The following TMEM225B variants were observed in gnomAD, a reference collection of about 807,000 sequenced individuals.
The protein encoded by TMEM225B is transmembrane protein 225-like.
A neutral mutation model predicts 16.9 loss-of-function variants in TMEM225B; 10 were observed. That is an observed-to-expected ratio of 0.59 (90% confidence interval 0.36 to 1.00). The LOEUF (loss-of-function observed/expected upper bound fraction) is 1.00. TMEM225B is among the 50% of genes least tolerant of loss of function. The pLI, the probability that TMEM225B is intolerant of heterozygous loss-of-function variation, is 0.01. For missense variants in TMEM225B, 217 were observed against 267.0 expected, an observed-to-expected ratio of 0.81 and a Z score of 1.30; for synonymous variants, 92 against 109.8, an observed-to-expected ratio of 0.84 and a Z score of 1.01.
chr7:99,609,138 G>T (rs1198884943), intron 5 of TMEM225B, among the ~76,000 whole-genome samples: 1 of 151,958 alleles, frequency 6.6e-6, no homozygotes, highest in Non-Finnish European at 1.5e-5. Flanking sequence ...CTGCACTCCA[G>T]CCTGGGCAAC....
At chr7:99,603,270 A>G (rs892213007) in intron 2 of TMEM225B, among the ~76,000 whole-genome samples, 1 of 152,200 alleles carries the variant, frequency 6.6e-6, no homozygotes, top group African/African-American at 2.4e-5. Context: ...TCACTGAATA[A>G]GGGCACCTAA....
In TMEM225B at chr7:99,610,436, C is replaced by G; in HGVS notation, c.537C>G (p.His179Gln). 4 of 1,536,086 alleles carry G rather than the reference C, an allele frequency of 2.6e-6. No homozygotes were observed. Among genetic ancestry groups the G allele is most frequent in the Non-Finnish European group, 2.6e-6 (3 of 1,146,904 alleles). ...AAGAAATGGTTTGCCCTTGCTGGCACTTGTTGTCCACTTCCCAGAGTATGG... is the reference window on the plus strand; with the variant it reads ...AAGAAATGGTTTGCCCTTGCTGGCAGTTGTTGTCCACTTCCCAGAGTATGG... Reference protein sequence around the residue: ...LIQEMVCPCWHLLSTSQSMEE... With the variant: ...LIQEMVCPCWQLLSTSQSMEE... The change falls in exon 6 of 6, where the codon CAC becomes CAG. Residue 179 changes from histidine to glutamine, a missense_variant. Physicochemically the swap from His to Gln is conservative, Grantham distance 24. Coordinates refer to ENST00000431679, the MANE Select transcript of TMEM225B (RefSeq NM_001195541.3).
chr7:99,605,252 A>G (rs1225261383), intron 3 of TMEM225B, among the ~76,000 whole-genome samples: 1 of 151,940 alleles, frequency 6.6e-6, no homozygotes, highest in Non-Finnish European at 1.5e-5. Context: ...ATTTTGGTCT[A>G]TTTCACTACT....
chr7:99,604,745 GC>G, intron 3 of TMEM225B, 149 bp downstream of exon 3: 1 of 696,184 alleles, frequency 1.4e-6, no homozygotes, highest in Non-Finnish European at 2.4e-6. Context: ...TGTAATCCCA[GC>G]ACTCTGGGAG....
intron 3 of TMEM225B, among the ~76,000 whole-genome samples, chr7:99,606,432 A>G (rs1805814387): frequency 6.6e-6 from 1 of 152,158 alleles, no homozygotes; most frequent in African/African-American, 2.4e-5. Flanking sequence ...GCACCACCAC[A>G]CTCCAGCTGG....
At chr7:99,602,924 C>T (rs1266632001) in intron 2 of TMEM225B, among the ~76,000 whole-genome samples, 1 of 152,122 alleles carries the variant, frequency 6.6e-6, no homozygotes, top group Non-Finnish European at 1.5e-5. Flanking sequence ...GACTGTGTTG[C>T]CTAGGCTGGT....
At position 99,610,793 on chromosome 7, in the gene TMEM225B, G is replaced by A. The variant is rs1806278244; in HGVS notation, c.*228G>A. The A allele has an allele frequency of 9.7e-6, 4 of 413,658 alleles. No individual in the cohort carries two copies. The highest frequency in any genetic ancestry group is 2.0e-5 in the African/African-American group (1 of 50,680). 25.6% of individuals were successfully genotyped at this position (413,658 alleles called of 1,614,324 possible). A position where few individuals can be genotyped will look rare whatever the true frequency, so the allele number is the denominator to read the frequency against. On this transcript the variant is annotated 3_prime_UTR_variant, in exon 6 of 6. Coordinates refer to ENST00000431679, the MANE Select transcript of TMEM225B (RefSeq NM_001195541.3). Reference sequence around the variant, plus strand: ...GAGCTTCCTAAGTGACGTTTTTGCAGGTATTTTCAATAAAAAGAAGGGCTA... The same window carrying A: ...GAGCTTCCTAAGTGACGTTTTTGCAAGTATTTTCAATAAAAAGAAGGGCTA...
At chr7:99,600,357 A>C (rs1293196347) in intron 2 of TMEM225B, 72 bp downstream of exon 2, 4 of 699,586 alleles carry the variant, frequency 5.7e-6, no homozygotes, top group Non-Finnish European at 1.0e-5. Flanking sequence ...ACCAAGCTGC[A>C]CTTTTCAGGG....
chr7:99,606,938 G>A, intron 4 of TMEM225B, 44 bp downstream of exon 4: 1 of 1,532,758 alleles, frequency 6.5e-7, no homozygotes, highest in East Asian at 2.4e-5. Flanking sequence ...TAGGGCCTGG[G>A]GAGGAGTCCA....
At chr7:99,598,473 C>T (rs1408697849) in intron 1 of TMEM225B, 92 bp downstream of exon 1, 1 of 152,630 alleles carries the variant, frequency 6.6e-6, no homozygotes, top group Non-Finnish European at 1.5e-5. Context: ...CCCTACCCAC[C>T]CAAGGCCGAA....
intron 1 of TMEM225B, among the ~76,000 whole-genome samples, chr7:99,598,876 C>G (rs1349905172): frequency 1.3e-5 from 2 of 152,212 alleles, no homozygotes; most frequent in African/African-American, 4.8e-5. Context: ...CAGGAACCTC[C>G]TGCCAAGCCA....
At chr7:99,609,976 G>T (rs1393605662) in intron 5 of TMEM225B, among the ~76,000 whole-genome samples, 1 of 152,186 alleles carries the variant, frequency 6.6e-6, no homozygotes, top group Non-Finnish European at 1.5e-5. Context: ...GGGCTCAAAA[G>T]ACCCTCCTGT....
chr7:99,600,465 A>G (rs1258825072), intron 2 of TMEM225B, among the ~76,000 whole-genome samples, 180 bp downstream of exon 2: 2 of 152,180 alleles, frequency 1.3e-5, no homozygotes, highest in Non-Finnish European at 2.9e-5. Flanking sequence ...TAATAAAGAC[A>G]TACCCAAGAC....
chr7:99,601,110 A>G (rs1193222235), intron 2 of TMEM225B, among the ~76,000 whole-genome samples: 1 of 152,218 alleles, frequency 6.6e-6, no homozygotes, highest in Non-Finnish European at 1.5e-5. Context: ...GTGTACTCCC[A>G]TCTATACAGA....
intron 2 of TMEM225B, among the ~76,000 whole-genome samples, chr7:99,602,816 G>A (rs1157079228): frequency 1.3e-5 from 2 of 152,128 alleles, no homozygotes; most frequent in Non-Finnish European, 2.9e-5. Context: ...GGGCTCAAGA[G>A]TTCCTCCTGC....
At chr7:99,602,371 A>T (rs1805446535) in intron 2 of TMEM225B, among the ~76,000 whole-genome samples, 2 of 152,190 alleles carry the variant, frequency 1.3e-5, no homozygotes, top group Non-Finnish European at 2.9e-5. Context: ...TCCCACAGGG[A>T]TATCTGAATT....
Position 99,610,428 on chromosome 7 carries a change from T to C in TMEM225B, c.529T>C (p.Cys177Arg), listed in dbSNP as rs1042428564. ...ICLIQEMVCPCWHLLSTSQSM... is the reference protein window; with the variant it reads ...ICLIQEMVCPRWHLLSTSQSM... ...CCTCATTCAAGAAATGGTTTGCCCT[T>C]GCTGGCACTTGTTGTCCACTTCCCA... Residue 177 changes from cysteine (C) to arginine (R), a missense_variant, in exon 6 of 6, where the codon TGC becomes CGC. Physicochemically the swap from Cys to Arg is radical, Grantham distance 180 (BLOSUM62 -3). Coordinates refer to ENST00000431679, the MANE Select transcript of TMEM225B (RefSeq NM_001195541.3). 5 of 1,535,930 alleles carry C rather than the reference T, an allele frequency of 3.3e-6. No individual in the cohort carries two copies. Among genetic ancestry groups the C allele is most frequent in the Middle Eastern group, 3.4e-4 (2 of 5,950 alleles).
intron 3 of TMEM225B, 40 bp downstream of exon 3, chr7:99,604,636 G>T (rs1353411308): frequency 6.8e-7 from 1 of 1,473,432 alleles, no homozygotes; most frequent in Admixed American, 2.0e-5. Context: ...AGAGGGAGAT[G>T]GGGCCAGTGT....
rs957280900 is a variant in TMEM225B at position 99,607,796 on chromosome 7, T to G, written c.479T>G (p.Leu160Arg). 7.0e-5 allele frequency: 107 copies of G among 1,535,974 alleles called. No homozygotes were observed. Among genetic ancestry groups the G allele is most frequent in the Non-Finnish European group, 9.1e-5 (104 of 1,146,872 alleles). ...PYYVLGFGIFLFIVAGTICLI... is the reference protein window; with the variant it reads ...PYYVLGFGIFRFIVAGTICLI... Reference sequence around the variant, plus strand: ...TACGTGCTGGGCTTCGGCATCTTTCTGTTCATAGTGGCTGGTGAGTGTCCA... The same window carrying G: ...TACGTGCTGGGCTTCGGCATCTTTCGGTTCATAGTGGCTGGTGAGTGTCCA... Residue 160 changes from leucine (L) to arginine (R), a missense_variant, in exon 5 of 6, where the codon CTG (leucine) becomes CGG (arginine). Leu to Arg is a moderately radical substitution (Grantham distance 102). Transcript: ENST00000431679.
Sources: allele counts gnomAD v4.1 joint callset (sites outside exome capture counted in the v4.1 genomes callset), GRCh38; gene constraint gnomAD v4.1.1; transcripts MANE v1.5; gene names NCBI Gene and HGNC (gene_info 2026-07-23, HGNC 2026-07-21).